The following STK3 variants were observed in gnomAD, a reference collection of about 807,000 sequenced individuals.
STK3 encodes the protein serine/threonine-protein kinase 3.
STK3 carries 41 observed loss-of-function variants against 58.0 expected under a neutral mutation model. The ratio of observed to expected loss-of-function variants is 0.71; its 90% CI spans 0.55 to 0.92. The LOEUF is 0.92. Among genes scored for constraint, STK3 ranks in the 40% least tolerant of loss-of-function variants. The pLI is 0.00. For missense variants in STK3, 479 were observed against 602.7 expected, an observed-to-expected ratio of 0.79 and a Z score of 2.15; for synonymous variants, 170 against 191.0, an observed-to-expected ratio of 0.89 and a Z score of 0.91.
At chr8:98,892,496 G>C (rs567586475) in intron 1 of STK3, among the ~76,000 whole-genome samples, 1 of 152,122 alleles carries the variant, frequency 6.6e-6, no homozygotes, top group Non-Finnish European at 1.5e-5. Flanking sequence ...TTATGCTCTG[G>C]CCATGGCTGA....
At chr8:98,345,986 A>G in the STK3 span, among the ~76,000 whole-genome samples, 2 of 152,060 alleles carry the variant, frequency 1.3e-5, no homozygotes, top group Non-Finnish European at 2.9e-5. Flanking sequence ...AATAGTTTCA[A>G]AAGTTAACAG....
intron 1 of STK3, among the ~76,000 whole-genome samples, chr8:98,443,365 A>G (rs1818769616): frequency 6.6e-6 from 1 of 152,194 alleles, no homozygotes; most frequent in African/African-American, 2.4e-5. Context: ...TGATTTTGTG[A>G]ATGGCAGTTT....
intron 4 of STK3, among the ~76,000 whole-genome samples, chr8:98,746,155 G>A (rs1829627194): frequency 2.0e-5 from 3 of 152,128 alleles, no homozygotes; most frequent in Admixed American, 2.0e-4. Flanking sequence ...AACCCCAATT[G>A]AATTAAGTGA....
chr8:98,930,831 T>G (rs1480711572), intron 1 of STK3, among the ~76,000 whole-genome samples: 4 of 152,234 alleles, frequency 2.6e-5, no homozygotes, highest in East Asian at 3.8e-4. Context: ...GACAGTGACC[T>G]CTATACTCAT....
chr8:98,403,128 C>T (rs1328723245), intron 3 of STK3, among the ~76,000 whole-genome samples: 1 of 152,260 alleles, frequency 6.6e-6, no homozygotes, highest in Non-Finnish European at 1.5e-5. Flanking sequence ...ACACTCGCAG[C>T]TGTCCACTTG....
At chr8:98,798,914 T>C (rs969049110) in intron 1 of STK3, among the ~76,000 whole-genome samples, 1 of 152,218 alleles carries the variant, frequency 6.6e-6, no homozygotes, top group Non-Finnish European at 1.5e-5. Flanking sequence ...TTTCACAATG[T>C]GAAAACACAG....
intron 3 of STK3, among the ~76,000 whole-genome samples, chr8:98,864,821 T>A (rs1837073924): frequency 6.6e-6 from 1 of 152,202 alleles, no homozygotes. Context: ...TCTGGCCTAT[T>A]CTATTACTAC....
chr8:98,922,507 T>C (rs556351073), intron 1 of STK3, among the ~76,000 whole-genome samples: 3 of 152,376 alleles, frequency 2.0e-5, no homozygotes, highest in Non-Finnish European at 4.4e-5. Context: ...ATTAGATACA[T>C]GGACAGCGAT....
chr8:98,656,036 G>GT (rs34638204), intron 6 of STK3, among the ~76,000 whole-genome samples: 36,409 of 151,988 alleles, frequency 0.24, 5,257 homozygotes, highest in East Asian at 0.41. Flanking sequence ...ACATGCACAC[G>GT]TATGTTTATT....
intron 6 of STK3, among the ~76,000 whole-genome samples, chr8:98,661,169 G>A (rs769076015): frequency 1.1e-4 from 16 of 151,280 alleles, no homozygotes; most frequent in Non-Finnish European, 2.4e-4. Context: ...AATTCAATAG[G>A]TAAATACTGA....
intron 9 of STK3, among the ~76,000 whole-genome samples, chr8:98,527,601 C>G (rs1825847005): frequency 1.3e-5 from 2 of 152,024 alleles, no homozygotes; most frequent in Admixed American, 1.3e-4. Context: ...GCCTGGGCAA[C>G]AGAGCAAGAC....
chr8:98,605,602 G>A (rs757658129), intron 6 of STK3, among the ~76,000 whole-genome samples: 4 of 151,892 alleles, frequency 2.6e-5, no homozygotes, highest in African/African-American at 4.8e-5. Flanking sequence ...CCAGCTATCC[G>A]TCTATACTAG....
At chr8:98,858,289 CGTA>C (rs1173779807) in intron 3 of STK3, among the ~76,000 whole-genome samples, 1 of 34,950 alleles carries the variant, frequency 2.9e-5, no homozygotes, top group African/African-American at 1.3e-4. Context: ...TACATACATA[CGTA>C]TATATATATA....
At chr8:98,784,273 C>A (rs894669181) in intron 1 of STK3, among the ~76,000 whole-genome samples, 1 of 152,216 alleles carries the variant, frequency 6.6e-6, no homozygotes, top group African/African-American at 2.4e-5. Context: ...GGCTCTGGAG[C>A]AGGACAGAGG....
chr8:98,382,207 T>C (rs982656292), intron 1 of STK3, among the ~76,000 whole-genome samples: 2 of 152,026 alleles, frequency 1.3e-5, no homozygotes, highest in African/African-American at 4.8e-5. Flanking sequence ...GCCTTCTGCG[T>C]CTCTTGTTTT....
intron 6 of STK3, among the ~76,000 whole-genome samples, chr8:98,639,255 G>A (rs973430283): frequency 2.0e-5 from 3 of 151,848 alleles, no homozygotes; most frequent in Non-Finnish European, 2.9e-5. Flanking sequence ...GACTACAGGC[G>A]CATGCCACCA....
intron 3 of STK3, chr8:98,393,786 C>T (rs1463705308): frequency 1.3e-5 from 2 of 152,036 alleles, no homozygotes; most frequent in African/African-American, 2.4e-5. Context: ...TGAAAGAATC[C>T]AGTCAAGGTC....
intron 1 of STK3, among the ~76,000 whole-genome samples, chr8:98,785,626 G>A (rs954370884): frequency 3.3e-5 from 5 of 152,134 alleles, no homozygotes; most frequent in African/African-American, 9.7e-5. Context: ...CTGAGGCAAC[G>A]GAGAGCTGCT....
intron 4 of STK3, among the ~76,000 whole-genome samples, chr8:98,718,998 T>G (rs960168562): frequency 6.6e-6 from 1 of 152,126 alleles, no homozygotes; most frequent in African/African-American, 2.4e-5. Flanking sequence ...ACTTGATAAA[T>G]AATGAATGAA....
Sources: allele counts gnomAD v4.1 joint callset (sites outside exome capture counted in the v4.1 genomes callset), GRCh38; gene constraint gnomAD v4.1.1; transcripts MANE v1.5; gene names NCBI Gene and HGNC (gene_info 2026-07-23, HGNC 2026-07-21).